The following MAP4K3 variants were observed in gnomAD, a reference collection of about 807,000 sequenced individuals.
MAP4K3 encodes the protein mitogen-activated protein kinase kinase kinase kinase 3.
MAP4K3 carries 94 observed loss-of-function variants against 143.5 expected under a neutral mutation model. The ratio of observed to expected loss-of-function variants is 0.65; its 90% CI spans 0.55 to 0.78. The LOEUF (loss-of-function observed/expected upper bound fraction) is 0.78. Among genes scored for constraint, MAP4K3 ranks in the 30% least tolerant of loss-of-function variants. The pLI, the probability that MAP4K3 is intolerant of heterozygous loss-of-function variation, is 0.00. For synonymous variants in MAP4K3, 416 were observed against 347.2 expected (o/e 1.20, Z -2.20); for missense variants, 1,077 against 1,068.1 (o/e 1.01, Z -0.12).
At chr2:39,325,142 G>A (rs1340783430) in intron 12 of MAP4K3, among the ~76,000 whole-genome samples, 1 of 152,112 alleles carries the variant, frequency 6.6e-6, no homozygotes, top group Non-Finnish European at 1.5e-5. Flanking sequence ...GAAGCAAACT[G>A]AGGGGAAATT....
Position 39,392,670 on chromosome 2 carries a change from A to G in MAP4K3, c.97-14547T>C, listed in dbSNP as rs116281245. 6.2e-3 allele frequency among the ~76,000 whole-genome samples: 939 copies of G among 152,298 alleles called. 14 individuals are homozygous for G. Among genetic ancestry groups the G allele is most frequent in the African/African-American group, 0.018 (766 of 41,562 alleles). On this transcript the variant is annotated intron_variant, in intron 1 of 33. Coordinates refer to ENST00000263881, the MANE Select transcript of MAP4K3 (RefSeq NM_003618.4). Reference sequence around the variant, plus strand: ...TGTTGGAAACTGAATCCCCAATGTAATAGTATTGGCAGGTGGGGTGATTGG... The same window carrying G: ...TGTTGGAAACTGAATCCCCAATGTAGTAGTATTGGCAGGTGGGGTGATTGG...
chr2:39,339,227 T>C (rs780410699), intron 4 of MAP4K3, among the ~76,000 whole-genome samples: 2 of 152,198 alleles, frequency 1.3e-5, no homozygotes, highest in Non-Finnish European at 2.9e-5. Context: ...AAGGACCGGG[T>C]TGGGTTTAAA....
At chr2:39,278,324 G>T in intron 24 of MAP4K3, 83 bp downstream of exon 24, 1 of 747,520 alleles carries the variant, frequency 1.3e-6, no homozygotes, top group South Asian at 2.2e-5. Flanking sequence ...AGCAAGTCAT[G>T]AAACTGAACC....
chr2:39,325,568 T>G lies in MAP4K3; in HGVS notation c.868A>C (p.Asn290His). ...TGGTAAGTGGAATGATCTGGATTAT[T>G]TACTTTATCCAACAGCTCGATTGCC... Reference protein sequence around the residue: ...SLAIELLDKVNNPDHSTYHDF... With the variant: ...SLAIELLDKVHNPDHSTYHDF... Residue 290 changes from asparagine to histidine, a missense_variant, in exon 12 of 34, where the codon AAT (asparagine) becomes CAT (histidine). Physicochemically the swap from Asn to His is moderately conservative, Grantham distance 68. Around this residue, in one of 2 missense-constraint regions of MAP4K3, gnomAD observed 864 missense variants for 801.2 expected, o/e 1.08. Transcript: ENST00000263881. 6.2e-7 allele frequency: 1 copy of G among 1,613,216 alleles called. No individual in the cohort carries two copies. Among genetic ancestry groups the G allele is most frequent in the Non-Finnish European group, 8.5e-7 (1 of 1,179,754 alleles).
chr2:39,301,628 G>A (rs1367057856), intron 15 of MAP4K3, among the ~76,000 whole-genome samples: 1 of 152,108 alleles, frequency 6.6e-6, no homozygotes, highest in Admixed American at 6.6e-5. Flanking sequence ...ACACAGATGT[G>A]TCATAAAAAT....
chr2:39,298,586 T>C (rs927162432), intron 16 of MAP4K3, among the ~76,000 whole-genome samples: 9 of 152,198 alleles, frequency 5.9e-5, no homozygotes, highest in Non-Finnish European at 1.3e-4. Context: ...ACTAAGCTAT[T>C]TGTCTTTAGT....
At chr2:39,391,358 CA>C (rs755777714) in intron 1 of MAP4K3, among the ~76,000 whole-genome samples, 74 of 45,430 alleles carry the variant, frequency 1.6e-3, no homozygotes, top group African/African-American at 5.5e-3. Context: ...GACTCCATCT[CA>C]AAAAAAAAAA....
At chr2:39,364,695 C>A (rs1474129555) in intron 2 of MAP4K3, among the ~76,000 whole-genome samples, 1 of 152,094 alleles carries the variant, frequency 6.6e-6, no homozygotes, top group African/African-American at 2.4e-5. Context: ...TGGTGAAACC[C>A]CATCTTTACT....
chr2:39,262,713 A>C (rs887586555), intron 28 of MAP4K3, among the ~76,000 whole-genome samples: 1 of 152,126 alleles, frequency 6.6e-6, no homozygotes, highest in African/African-American at 2.4e-5. Flanking sequence ...TATCTAATGT[A>C]TTTTTGTCTC....
At chr2:39,302,487 G>T (rs11124675) in intron 15 of MAP4K3, among the ~76,000 whole-genome samples, 101,790 of 152,122 alleles carry the variant, frequency 0.67, 38,022 homozygotes, top group Non-Finnish European at 0.83. Context: ...AGGAACAAAA[G>T]TGAAACCAGG....
chr2:39,365,165 A>G (rs1247400284), intron 2 of MAP4K3, among the ~76,000 whole-genome samples: 1 of 152,182 alleles, frequency 6.6e-6, no homozygotes, highest in African/African-American at 2.4e-5. Flanking sequence ...ATGCTATACT[A>G]GAGTCAGGCT....
chr2:39,383,374 T>G (rs1238135346), intron 1 of MAP4K3, among the ~76,000 whole-genome samples: 1 of 151,786 alleles, frequency 6.6e-6, no homozygotes, highest in Non-Finnish European at 1.5e-5. Flanking sequence ...GAGAACTCAC[T>G]ATCATGAGAA....
At chr2:39,274,362 G>A (rs1256037457) in intron 24 of MAP4K3, among the ~76,000 whole-genome samples, 4 of 151,568 alleles carry the variant, frequency 2.6e-5, no homozygotes, top group Middle Eastern at 3.4e-3. Context: ...GACTACAGGC[G>A]CCCGCCACCA....
chr2:39,334,723 T>C (rs1683805112), intron 6 of MAP4K3, among the ~76,000 whole-genome samples: 1 of 152,202 alleles, frequency 6.6e-6, no homozygotes, highest in Non-Finnish European at 1.5e-5. Context: ...TTTCCCTCCC[T>C]GAGAGGCTAC....
At chr2:39,387,115 C>A (rs1292772130) in intron 1 of MAP4K3, among the ~76,000 whole-genome samples, 1 of 152,072 alleles carries the variant, frequency 6.6e-6, no homozygotes, top group Non-Finnish European at 1.5e-5. Flanking sequence ...CCACGCCCGG[C>A]CGATTATTGT....
chr2:39,258,242 T>C, intron 31 of MAP4K3, 106 bp downstream of exon 31: 1 of 874,394 alleles, frequency 1.1e-6, no homozygotes, highest in South Asian at 1.8e-5. Context: ...ATATCCTTTA[T>C]TTTAAAAAAA....
intron 16 of MAP4K3, among the ~76,000 whole-genome samples, chr2:39,298,929 C>A (rs562466605): frequency 2.8e-5 from 4 of 144,000 alleles, no homozygotes; most frequent in African/African-American, 7.9e-5. Context: ...CACGCCACTG[C>A]ACTGCAGCCT....
At chr2:39,294,085 G>A (rs543657099) in intron 16 of MAP4K3, 2 of 152,300 alleles carry the variant, frequency 1.3e-5, no homozygotes, top group African/African-American at 4.8e-5. Flanking sequence ...ACTTCTCAAA[G>A]CTAATAGGGG....
At chr2:39,328,848 T>C (rs189297797) in intron 8 of MAP4K3, among the ~76,000 whole-genome samples, 218 of 152,356 alleles carry the variant, frequency 1.4e-3, no homozygotes, top group African/African-American at 5.0e-3. Context: ...CAAAAGACTG[T>C]TGAATAAATG....
Sources: allele counts gnomAD v4.1 joint callset (sites outside exome capture counted in the v4.1 genomes callset), GRCh38; gene constraint gnomAD v4.1.1; regional missense constraint gnomAD v4.1.1; transcripts MANE v1.5; gene names NCBI Gene and HGNC (gene_info 2026-07-23, HGNC 2026-07-21).